Variants in ATRNL1 observed in about 807,000 individuals in gnomAD.
The protein encoded by ATRNL1 is attractin like 1, also known as attractin-like protein 1.
A neutral mutation model predicts 182.7 loss-of-function variants in ATRNL1; 95 were observed. That is an observed-to-expected ratio of 0.52 (90% CI 0.44 to 0.62). The LOEUF is 0.62. Ranked by LOEUF, ATRNL1 falls within the 20% of genes least tolerant of loss-of-function variation. The pLI is 0.00. For missense variants in ATRNL1, 1,471 were observed against 1,679.5 expected (o/e 0.88, Z 2.17); for synonymous variants, 576 against 568.3 (o/e 1.01, Z -0.19).
chr10:115,104,283 C>G (rs1221720377), intron 1 of ATRNL1, among the ~76,000 whole-genome samples: 1 of 152,138 alleles, frequency 6.6e-6, no homozygotes, highest in Non-Finnish European at 1.5e-5. Flanking sequence ...TTTCATTTCT[C>G]TGATGATCAG....
In ATRNL1 at chr10:115,563,775, A is replaced by G. The variant is rs573269896; in HGVS notation, c.3795+14239A>G. ...GCATCCTGAATAATTGGCTTTCACA[A>G]TAATTCAACCACATTGTAAGGAACA... On this transcript the variant is annotated intron_variant, in intron 26 of 28. Coordinates refer to ENST00000355044, the MANE Select transcript of ATRNL1 (RefSeq NM_207303.4). Among the ~76,000 whole-genome samples the G allele has an allele frequency of 2.0e-5, 3 of 152,276 alleles. No homozygotes were observed. In the South Asian group the frequency reaches 6.2e-4, roughly 32 times the overall value.
intron 27 of ATRNL1, among the ~76,000 whole-genome samples, chr10:115,749,359 G>A (rs1008754988): frequency 1.1e-4 from 17 of 151,288 alleles, no homozygotes; most frequent in South Asian, 4.2e-4. Context: ...CCTGTTAATC[G>A]TACTTAGAAA....
intron 26 of ATRNL1, among the ~76,000 whole-genome samples, chr10:115,564,255 A>G (rs1592858920): frequency 6.6e-6 from 1 of 152,104 alleles, no homozygotes; most frequent in African/African-American, 2.4e-5. Context: ...AATGTTAACT[A>G]TTATAGTATA....
intron 19 of ATRNL1, among the ~76,000 whole-genome samples, chr10:115,379,308 G>A (rs1223503885): frequency 6.6e-6 from 1 of 152,168 alleles, no homozygotes; most frequent in Non-Finnish European, 1.5e-5. Flanking sequence ...TTTCAGCACT[G>A]TCATGAAGTA....
At chr10:115,432,799 G>T (rs782538121) in intron 21 of ATRNL1, among the ~76,000 whole-genome samples, 1 of 151,896 alleles carries the variant, frequency 6.6e-6, no homozygotes, top group Non-Finnish European at 1.5e-5. Context: ...TAGTCACAAA[G>T]TATCACAAAG....
At chr10:115,109,622 G>C (rs1009271636) in intron 1 of ATRNL1, among the ~76,000 whole-genome samples, 3 of 152,108 alleles carry the variant, frequency 2.0e-5, no homozygotes, top group Non-Finnish European at 2.9e-5. Context: ...CTTTTTTGGA[G>C]GGACACATTC....
intron 20 of ATRNL1, among the ~76,000 whole-genome samples, chr10:115,421,512 C>T (rs986713354): frequency 2.0e-5 from 3 of 152,014 alleles, no homozygotes; most frequent in Non-Finnish European, 2.9e-5. Flanking sequence ...ATGATAAAAC[C>T]GCTGAAAAAT....
intron 26 of ATRNL1, among the ~76,000 whole-genome samples, chr10:115,717,099 C>T (rs1359089914): frequency 6.6e-6 from 1 of 152,064 alleles, no homozygotes; most frequent in Non-Finnish European, 1.5e-5. Context: ...ACCACCTGGC[C>T]TTTTGTATTA....
chr10:115,164,756 G>A (rs1423399614), intron 6 of ATRNL1, among the ~76,000 whole-genome samples: 1 of 152,080 alleles, frequency 6.6e-6, no homozygotes, highest in Non-Finnish European at 1.5e-5. Flanking sequence ...TCACTCAAAT[G>A]TCAGAGCTAT....
At chr10:115,477,166 A>G (rs752744265) in intron 24 of ATRNL1, among the ~76,000 whole-genome samples, 1 of 151,590 alleles carries the variant, frequency 6.6e-6, no homozygotes, top group Non-Finnish European at 1.5e-5. Context: ...TTCTTATTTA[A>G]TAATAACCCA....
At chr10:115,742,446 G>T (rs1948166549) in intron 27 of ATRNL1, among the ~76,000 whole-genome samples, 1 of 152,110 alleles carries the variant, frequency 6.6e-6, no homozygotes, top group African/African-American at 2.4e-5. Context: ...AATTTTTCAC[G>T]ATAATTGAGA....
At chr10:115,219,634 G>A (rs1235271442) in intron 9 of ATRNL1, among the ~76,000 whole-genome samples, 1 of 152,228 alleles carries the variant, frequency 6.6e-6, no homozygotes, top group Non-Finnish European at 1.5e-5. Flanking sequence ...TGGGCATGGT[G>A]GCTCATGCCT....
chr10:115,762,595 T>C (rs1306541375), intron 27 of ATRNL1, among the ~76,000 whole-genome samples: 1 of 152,156 alleles, frequency 6.6e-6, no homozygotes, highest in Non-Finnish European at 1.5e-5. Context: ...TTTATCTAGA[T>C]TGTAACATGA....
At chr10:115,536,984 G>A (rs1852065590) in intron 25 of ATRNL1, among the ~76,000 whole-genome samples, 1 of 152,018 alleles carries the variant, frequency 6.6e-6, no homozygotes, top group Non-Finnish European at 1.5e-5. Flanking sequence ...AAAAAAATAA[G>A]ATTATGATGA....
intron 21 of ATRNL1, among the ~76,000 whole-genome samples, chr10:115,440,490 C>T (rs928098046): frequency 1.1e-4 from 17 of 151,828 alleles, no homozygotes; most frequent in African/African-American, 3.6e-4. Flanking sequence ...GTCCTTCTTG[C>T]TCACTAAGTA....
intron 26 of ATRNL1, among the ~76,000 whole-genome samples, chr10:115,712,933 A>G (rs1947107938): frequency 6.6e-6 from 1 of 152,074 alleles, no homozygotes; most frequent in Admixed American, 6.6e-5. Context: ...AGCACATCTT[A>G]TTCATGCCTT....
intron 27 of ATRNL1, among the ~76,000 whole-genome samples, chr10:115,842,294 T>C (rs1950828493): frequency 6.6e-6 from 1 of 152,144 alleles, no homozygotes; most frequent in Non-Finnish European, 1.5e-5. Flanking sequence ...TCTTATGTGA[T>C]GTATTCATCA....
intron 8 of ATRNL1, among the ~76,000 whole-genome samples, chr10:115,176,621 C>T (rs1847519215): frequency 1.3e-5 from 2 of 151,886 alleles, no homozygotes; most frequent in Admixed American, 6.6e-5. Context: ...TGGGCCTGAG[C>T]AGCTGGAAAG....
intron 26 of ATRNL1, among the ~76,000 whole-genome samples, chr10:115,688,940 T>G (rs1210084369): frequency 6.6e-6 from 1 of 152,216 alleles, no homozygotes; most frequent in Non-Finnish European, 1.5e-5. Flanking sequence ...GGTCTTAATT[T>G]AAGTCATTAA....
Sources: gnomAD v4.1 joint callset for allele counts (sites outside exome capture counted in the v4.1 genomes callset) on GRCh38, gnomAD v4.1.1 for gene constraint, MANE v1.5 for transcripts, NCBI Gene and HGNC (gene_info 2026-07-23, HGNC 2026-07-21) for gene names.